BICDL1: variants seen among roughly 807,000 people sequenced by gnomAD.
BICDL1 encodes the protein BICD family-like cargo adapter 1.
BICDL1 carries 20 observed loss-of-function variants against 76.8 expected under a neutral mutation model. The ratio of observed to expected loss-of-function variants is 0.26; its 90% CI spans 0.18 to 0.38. The LOEUF is 0.38. BICDL1 is among the 10% of genes least tolerant of loss of function. The probability of loss-of-function intolerance (pLI) is 1.00; values close to 1 mark genes in which losing one functional copy is unlikely to be tolerated. For synonymous variants in BICDL1, 383 were observed against 337.1 expected (o/e 1.14, Z -1.49); for missense variants, 700 against 798.6 (o/e 0.88, Z 1.49).
At chr12:120,058,556 A>T (rs1953031225) in intron 2 of BICDL1, among the ~76,000 whole-genome samples, 1 of 150,508 alleles carries the variant, frequency 6.6e-6, no homozygotes, top group South Asian at 2.1e-4. Flanking sequence ...TGATTTCCTG[A>T]TGGGCCAGCC....
At chr12:120,058,119 C>T (rs1953020624) in intron 2 of BICDL1, among the ~76,000 whole-genome samples, 1 of 152,090 alleles carries the variant, frequency 6.6e-6, no homozygotes, top group Non-Finnish European at 1.5e-5. Flanking sequence ...AGGCATGAGC[C>T]ACCGCGCCTG....
At position 120,093,776 on chromosome 12, in the gene BICDL1, C is replaced by G. The variant is rs1875187697; in HGVS notation, c.*615C>G. ...CTTACCCAAGCTCAGCTGAGGCCAC[C>G]CGAGCCCCAGGGAGGAAGAAGGCCC... On this transcript the variant is annotated 3_prime_UTR_variant, in exon 10 of 10. Transcript: ENST00000548673. 5.7e-6 allele frequency: 1 copy of G among 175,796 alleles called. No homozygotes were observed. Among genetic ancestry groups the G allele is most frequent in the Admixed American group, 5.7e-5 (1 of 17,632 alleles). The allele number at this position is 175,796 out of a possible 1,614,324, so 10.9% of individuals were successfully genotyped here. A position where few individuals can be genotyped will look rare whatever the true frequency, so the allele number is the denominator to read the frequency against.
chr12:120,013,185 A>G (rs1474594057), intron 2 of BICDL1, among the ~76,000 whole-genome samples: 1 of 151,770 alleles, frequency 6.6e-6, no homozygotes, highest in African/African-American at 2.4e-5. Flanking sequence ...CTGGTGGCAT[A>G]TGCCTGTAGT....
At chr12:120,068,637 G>C (rs1192429253) in intron 4 of BICDL1, among the ~76,000 whole-genome samples, 1 of 152,232 alleles carries the variant, frequency 6.6e-6, no homozygotes, top group African/African-American at 2.4e-5. Flanking sequence ...CCAATATGGT[G>C]AAACCCCGTC....
At chr12:120,009,219 T>C (rs182932540) in intron 2 of BICDL1, among the ~76,000 whole-genome samples, 1 of 151,970 alleles carries the variant, frequency 6.6e-6, no homozygotes, top group Non-Finnish European at 1.5e-5. Context: ...ATCTTCTGAC[T>C]TCATGATCCG....
intron 2 of BICDL1, among the ~76,000 whole-genome samples, chr12:120,019,791 C>T (rs866456952): frequency 3.3e-5 from 5 of 152,036 alleles, no homozygotes; most frequent in African/African-American, 9.7e-5. Context: ...TTTTTGTCTG[C>T]TGAGATTCAT....
chr12:120,088,427 G>T (rs1264161864), intron 8 of BICDL1, among the ~76,000 whole-genome samples: 1 of 151,966 alleles, frequency 6.6e-6, no homozygotes, highest in Non-Finnish European at 1.5e-5. Flanking sequence ...CACAATCTGG[G>T]CTCACTGCAA....
intron 2 of BICDL1, among the ~76,000 whole-genome samples, chr12:120,003,587 A>G (rs925645646): frequency 1.3e-5 from 2 of 152,248 alleles, no homozygotes; most frequent in African/African-American, 2.4e-5. Flanking sequence ...CAGGCAACCT[A>G]TAGCTAATGG....
At chr12:120,092,220 T>C in intron 9 of BICDL1, 1 of 985,456 alleles carries the variant, frequency 1.0e-6, no homozygotes, top group Non-Finnish European at 1.2e-6. Flanking sequence ...GTCCACAGGC[T>C]TCTCTATGGG....
At chr12:119,990,516 C>T (rs187285247) in intron 1 of BICDL1, among the ~76,000 whole-genome samples, 3 of 152,280 alleles carry the variant, frequency 2.0e-5, no homozygotes, top group Admixed American at 2.0e-4. Flanking sequence ...ATGCGTGGCT[C>T]CAGCCGCTGT....
intron 8 of BICDL1, among the ~76,000 whole-genome samples, chr12:120,081,994 C>T (rs1037890961): frequency 1.3e-5 from 2 of 151,348 alleles, no homozygotes; most frequent in Non-Finnish European, 2.9e-5. Context: ...ATATCAGAAT[C>T]CAGTTGATGT....
intron 2 of BICDL1, among the ~76,000 whole-genome samples, chr12:120,031,464 A>G (rs1424969412): frequency 1.3e-5 from 2 of 152,124 alleles, no homozygotes; most frequent in Non-Finnish European, 2.9e-5. Flanking sequence ...TCAGCCTCCC[A>G]AAGTGCTGAG....
chr12:120,068,653 TA>T (rs1345869709), intron 4 of BICDL1, among the ~76,000 whole-genome samples: 2 of 152,226 alleles, frequency 1.3e-5, no homozygotes, highest in Non-Finnish European at 2.9e-5. Context: ...CCGTCTCTAC[TA>T]AAAATACAAA....
At chr12:120,078,267 G>C (rs1873718138) in intron 7 of BICDL1, among the ~76,000 whole-genome samples, 1 of 152,226 alleles carries the variant, frequency 6.6e-6, no homozygotes, top group African/African-American at 2.4e-5. Context: ...ATGAGGATGA[G>C]CTCAAGGTCT....
intron 3 of BICDL1, among the ~76,000 whole-genome samples, chr12:120,063,692 G>A (rs966384179): frequency 7.9e-5 from 12 of 152,168 alleles, no homozygotes; most frequent in South Asian, 2.1e-4. Context: ...TTACAAGCAA[G>A]AAACTGGTTA....
In BICDL1 at chr12:119,996,684, ACAC is replaced by A. The variant is rs1566201596; in HGVS notation, c.430-1836_430-1834del. Among the ~76,000 whole-genome samples the A allele has an allele frequency of 7.2e-5, 5 of 69,726 alleles. No individual in the cohort carries two copies. The East Asian group carries it at 3.8e-3, about 53-fold the overall frequency. 45.7% of individuals were successfully genotyped at this position (69,726 alleles called of 152,430 possible). A position where few individuals can be genotyped will look rare whatever the true frequency, so the allele number is the denominator to read the frequency against. On this transcript the variant is annotated intron_variant, in intron 1 of 9. Coordinates refer to ENST00000548673, the MANE Select transcript of BICDL1 (RefSeq NM_001367886.1). ...CCAGTATATATACATATACAGATACACACACACACACACACACACGCATAGATG... is the reference window on the plus strand; with the variant it reads ...CCAGTATATATACATATACAGATACAACACACACACACACACGCATAGATG...
chr12:120,007,936 G>C (rs1951879760), intron 2 of BICDL1, among the ~76,000 whole-genome samples: 1 of 152,134 alleles, frequency 6.6e-6, no homozygotes, highest in Non-Finnish European at 1.5e-5. Flanking sequence ...TGTTCCTTTT[G>C]AGGTGGGGGC....
chr12:120,022,543 G>A (rs899244504), intron 2 of BICDL1, among the ~76,000 whole-genome samples: 5 of 150,656 alleles, frequency 3.3e-5, no homozygotes, highest in Non-Finnish European at 7.4e-5. Flanking sequence ...CAAATGCAAT[G>A]TTTGGATCTT....
intron 2 of BICDL1, among the ~76,000 whole-genome samples, chr12:120,002,028 T>C (rs1951468726): frequency 6.6e-6 from 1 of 152,158 alleles, no homozygotes; most frequent in Non-Finnish European, 1.5e-5. Flanking sequence ...TGAGACTTTG[T>C]CTCTTAAAAA....
Sources: gnomAD v4.1 joint callset for allele counts (sites outside exome capture counted in the v4.1 genomes callset) on GRCh38, gnomAD v4.1.1 for gene constraint, MANE v1.5 for transcripts, NCBI Gene and HGNC (gene_info 2026-07-23, HGNC 2026-07-21) for gene names.